The following IGF2R variants were observed in gnomAD, a reference collection of about 807,000 sequenced individuals.
The protein encoded by IGF2R is cation-independent mannose-6-phosphate receptor.
A neutral mutation model predicts 270.6 loss-of-function variants in IGF2R; 91 were observed. The ratio of observed to expected loss-of-function variants is 0.34; its 90% CI spans 0.28 to 0.40. IGF2R has a LOEUF of 0.40. IGF2R is among the 10% of genes least tolerant of loss of function. The pLI is 1.00. For missense variants in IGF2R, 2,805 were observed against 3,188.3 expected (o/e 0.88, Z 2.90); for synonymous variants, 1,316 against 1,258.9 (o/e 1.05, Z -0.96).
intron 10 of IGF2R, among the ~76,000 whole-genome samples, chr6:160,035,586 T>C (rs1777801779): frequency 6.6e-6 from 1 of 152,240 alleles, no homozygotes; most frequent in Non-Finnish European, 1.5e-5. Context: ...GCCCCTGGGA[T>C]GCCCTTGTTC....
chr6:160,018,503 C>T (rs1271202833), intron 4 of IGF2R, among the ~76,000 whole-genome samples: 1 of 152,114 alleles, frequency 6.6e-6, no homozygotes, highest in Non-Finnish European at 1.5e-5. Flanking sequence ...ATTCTCCCCA[C>T]AGCCGCAGAA....
At chr6:160,072,638 C>A in intron 32 of IGF2R, 127 bp from the exon 33 acceptor site, 1 of 933,402 alleles carries the variant, frequency 1.1e-6, no homozygotes, top group Non-Finnish European at 1.7e-6. Flanking sequence ...GGATTTAGGA[C>A]AGGGGTCGTG....
chr6:160,017,593 A>T (rs1258343393), intron 4 of IGF2R, among the ~76,000 whole-genome samples: 1 of 152,164 alleles, frequency 6.6e-6, no homozygotes, highest in African/African-American at 2.4e-5. Context: ...TGAAGGAAAA[A>T]ATCCTATCCA....
At chr6:159,992,826 A>G (rs779144932) in intron 2 of IGF2R, among the ~76,000 whole-genome samples, 21 of 152,174 alleles carry the variant, frequency 1.4e-4, no homozygotes, top group Non-Finnish European at 2.6e-4. Flanking sequence ...GTTCCTTGAT[A>G]GATCTCTATA....
chr6:160,018,540 A>G (rs1309963299), intron 4 of IGF2R, among the ~76,000 whole-genome samples: 2 of 152,178 alleles, frequency 1.3e-5, no homozygotes, highest in Non-Finnish European at 2.9e-5. Flanking sequence ...CAGTGCATGG[A>G]ACGTTTTTCG....
At chr6:160,025,206 A>G (rs868845141) in intron 5 of IGF2R, among the ~76,000 whole-genome samples, 2 of 152,356 alleles carry the variant, frequency 1.3e-5, no homozygotes, top group South Asian at 2.1e-4. Context: ...TAAAGACCGT[A>G]AATAAATGGT....
At chr6:159,972,649 G>C (rs1783627761) in intron 1 of IGF2R, among the ~76,000 whole-genome samples, 2 of 152,258 alleles carry the variant, frequency 1.3e-5, no homozygotes, top group Non-Finnish European at 2.9e-5. Context: ...GAGGCACCTT[G>C]TGGGGGCAAA....
chr6:160,067,067 AGC>A (rs1778600845), intron 29 of IGF2R, among the ~76,000 whole-genome samples: 1 of 152,180 alleles, frequency 6.6e-6, no homozygotes, highest in Non-Finnish European at 1.5e-5. Flanking sequence ...CAATGCAGTG[AGC>A]GCCCATCTCA....
At chr6:160,000,270 G>A (rs1224358745) in intron 2 of IGF2R, among the ~76,000 whole-genome samples, 1 of 152,178 alleles carries the variant, frequency 6.6e-6, no homozygotes, top group Non-Finnish European at 1.5e-5. Context: ...GGCTGGGGAG[G>A]CCTCAGGAAA....
In IGF2R at chr6:160,103,741, TA is replaced by T; in HGVS notation, c.6996-4del. ...GAGTAATTATTGTCTCCTTTTTTTT[TA>T]TAGGGAAACAGTGATAAGTAAGCTG... On this transcript the variant is annotated splice_polypyrimidine_tract_variant and splice_region_variant and intron_variant, in intron 46 of 47. Coordinates refer to ENST00000356956, the MANE Select transcript of IGF2R (RefSeq NM_000876.4). 6.2e-7 allele frequency: 1 copy of T among 1,602,756 alleles called. No individual in the cohort carries two copies. The highest frequency in any genetic ancestry group is 8.5e-7 in the Non-Finnish European group (1 of 1,169,770).
At chr6:160,100,653 C>G (rs1779463099) in intron 45 of IGF2R, among the ~76,000 whole-genome samples, 1 of 150,332 alleles carries the variant, frequency 6.7e-6, no homozygotes, top group Non-Finnish European at 1.5e-5. Context: ...CACTGTTTGC[C>G]CAAGCTTACA....
intron 20 of IGF2R, among the ~76,000 whole-genome samples, chr6:160,057,505 C>T (rs1166742124): frequency 6.6e-6 from 1 of 152,156 alleles, no homozygotes; most frequent in Non-Finnish European, 1.5e-5. Context: ...GCACCCTGTT[C>T]ATGGACAATG....
intron 2 of IGF2R, among the ~76,000 whole-genome samples, chr6:159,995,489 G>T (rs904419157): frequency 6.6e-6 from 1 of 151,966 alleles, no homozygotes; most frequent in African/African-American, 2.4e-5. Context: ...TTGTTAACTA[G>T]TTGCTTTTTA....
chr6:160,021,730 C>G (rs1219615114), intron 4 of IGF2R, among the ~76,000 whole-genome samples: 1 of 150,440 alleles, frequency 6.6e-6, no homozygotes, highest in African/African-American at 2.4e-5. Context: ...CAAAAAACAA[C>G]AGATGTTGGC....
At chr6:160,022,013 AACAC>A (rs58646750) in intron 4 of IGF2R, among the ~76,000 whole-genome samples, 4 of 142,826 alleles carry the variant, frequency 2.8e-5, no homozygotes, top group Admixed American at 6.9e-5. Flanking sequence ...CTAGGTAAAG[AACAC>A]ACACACACAC....
intron 30 of IGF2R, 68 bp from the exon 31 acceptor site, chr6:160,069,800 C>A: frequency 7.0e-7 from 1 of 1,426,050 alleles, no homozygotes; most frequent in Non-Finnish European, 9.8e-7. Flanking sequence ...ACATTTATTG[C>A]CTGATGAAGT....
intron 29 of IGF2R, among the ~76,000 whole-genome samples, chr6:160,065,653 A>G (rs1246723217): frequency 5.3e-5 from 8 of 151,726 alleles, no homozygotes; most frequent in African/African-American, 1.7e-4. Context: ...TCCTCAGTAG[A>G]TATCCCCAGT....
At chr6:160,074,597 T>G (rs1169149507) in intron 35 of IGF2R, among the ~76,000 whole-genome samples, 2 of 152,240 alleles carry the variant, frequency 1.3e-5, no homozygotes, top group Non-Finnish European at 2.9e-5. Flanking sequence ...TAATAGAAAT[T>G]TGGATCTTTA....
Position 160,073,264 on chromosome 6 carries a change from T to C in IGF2R, c.4742T>C (p.Leu1581Pro). 6.2e-7 allele frequency: 1 copy of C among 1,614,268 alleles called. No individual in the cohort carries two copies. The highest frequency in any genetic ancestry group is 8.5e-7 in the Non-Finnish European group (1 of 1,180,042). Residue 1581 changes from leucine to proline, a missense_variant, in exon 34 of 48, where the codon CTG becomes CCG. Transcript: ENST00000356956. ...AGCGTGGGCAAGGCCAACAAGAGGC[T>C]GAGATACGTGGACCAGGTCCTGCAG... ...RISVGKANKR[L>P]RYVDQVLQLV...
Sources: gnomAD v4.1 joint callset for allele counts (sites outside exome capture counted in the v4.1 genomes callset) on GRCh38, gnomAD v4.1.1 for gene constraint, MANE v1.5 for transcripts, NCBI Gene and HGNC (gene_info 2026-07-23, HGNC 2026-07-21) for gene names.